The following RAB7A variants were observed in gnomAD, a reference collection of about 807,000 sequenced individuals.
RAB7A encodes the protein RAB7A, member RAS oncogene family.
Under a neutral mutation model 24.5 loss-of-function variants are expected in RAB7A, and 2 were observed. The observed-to-expected ratio is 0.08, with a 90% CI of 0.03 to 0.26. The LOEUF is 0.26. Ranked by LOEUF, RAB7A falls within the 10% of genes least tolerant of loss-of-function variation. RAB7A has a pLI of 1.00. For missense variants in RAB7A, 118 were observed against 255.7 expected (o/e 0.46, Z 3.67); for synonymous variants, 100 against 95.9 (o/e 1.04, Z -0.25).
rs752283088 is a variant in RAB7A, at chr3:128,795,337, G to A, written c.-8-23G>A. 4 of 1,597,030 alleles carry A rather than the reference G, an allele frequency of 2.5e-6. No individual in the cohort carries two copies. In the East Asian group the frequency reaches 8.9e-5, roughly 36 times the overall value. ...TTGGTGTTTCCATCACACTCACAGT[G>A]ATTTCTCCTTTTCCCCCTTTAGTTT... On this transcript the variant is annotated intron_variant, in intron 1 of 5. Coordinates refer to ENST00000265062, the MANE Select transcript of RAB7A (RefSeq NM_004637.6).
chr3:128,749,652 C>T (rs552733406), intron 1 of RAB7A, among the ~76,000 whole-genome samples: 1 of 152,118 alleles, frequency 6.6e-6, no homozygotes, highest in African/African-American at 2.4e-5. Context: ...CTGTGCTGTT[C>T]TCATGATAGT....
chr3:128,763,890 A>C (rs894401113), intron 1 of RAB7A, among the ~76,000 whole-genome samples: 1 of 107,474 alleles, frequency 9.3e-6, no homozygotes, highest in Non-Finnish European at 1.8e-5. Context: ...CTGCTTTTCA[A>C]CTAATATAGT....
chr3:128,758,517 C>T (rs1158528845), intron 1 of RAB7A, among the ~76,000 whole-genome samples: 2 of 151,752 alleles, frequency 1.3e-5, no homozygotes, highest in African/African-American at 2.4e-5. Context: ...CCTCGTGATC[C>T]GCCCGCCTCG....
intron 2 of RAB7A, among the ~76,000 whole-genome samples, 175 bp downstream of exon 2, chr3:128,795,595 C>CTAGTTTT (rs1933549509): frequency 6.6e-6 from 1 of 151,898 alleles, no homozygotes; most frequent in Admixed American, 6.6e-5. Context: ...CTTTTGTTCT[C>CTAGTTTT]TAGTTTTTAG....
intron 1 of RAB7A, among the ~76,000 whole-genome samples, chr3:128,767,387 GAATT>G: frequency 6.6e-6 from 1 of 152,320 alleles, no homozygotes; most frequent in East Asian, 1.9e-4. Context: ...AGTGCCTGAG[GAATT>G]AGCCCAAGGA....
chr3:128,797,274 G>A (rs573340189), intron 2 of RAB7A, among the ~76,000 whole-genome samples: 1 of 152,282 alleles, frequency 6.6e-6, no homozygotes, highest in East Asian at 1.9e-4. Context: ...GCCAAGAAAG[G>A]TGATATCACT....
intron 1 of RAB7A, among the ~76,000 whole-genome samples, chr3:128,771,904 C>T (rs1050987020): frequency 2.0e-5 from 3 of 152,196 alleles, no homozygotes; most frequent in Non-Finnish European, 4.4e-5. Context: ...ACTCTTGTCA[C>T]TCCTTAAATT....
At chr3:128,806,972 A>T (rs1409334127) in intron 4 of RAB7A, among the ~76,000 whole-genome samples, 3 of 152,252 alleles carry the variant, frequency 2.0e-5, no homozygotes, top group African/African-American at 7.2e-5. Flanking sequence ...GCTGTACTGT[A>T]GTTTCAAATA....
rs547254682 is a variant in RAB7A at position 128,729,594 on chromosome 3, C to T, written c.-9+3235C>T. On this transcript the variant is annotated intron_variant, in intron 1 of 5. Coordinates refer to ENST00000265062, the MANE Select transcript of RAB7A (RefSeq NM_004637.6). ...CAAAAAAAAAAAAAAAAAAAGTCTT[C>T]AAAGGGATCTTCACTAATAACGTTT... Among the ~76,000 whole-genome samples, 16 of 148,666 alleles carry T rather than the reference C, an allele frequency of 1.1e-4. No individual in the cohort carries two copies. The East Asian group carries it at 3.1e-3, about 29-fold the overall frequency.
chr3:128,746,272 A>C (rs2070614266), intron 1 of RAB7A, among the ~76,000 whole-genome samples: 1 of 151,650 alleles, frequency 6.6e-6, no homozygotes, highest in African/African-American at 2.4e-5. Flanking sequence ...TTAGCTTTTA[A>C]ATTTTTCTTT....
chr3:128,740,313 AGAGATGGCCGTGAGCC>A, intron 1 of RAB7A, among the ~76,000 whole-genome samples: 2 of 152,172 alleles, frequency 1.3e-5, no homozygotes, highest in Non-Finnish European at 2.9e-5. Context: ...CCTGGGAGGC[AGAGATGGCCGTGAGCC>A]GAGATGGCGC....
In RAB7A at chr3:128,814,358, T is replaced by C. The variant is rs1045997462; in HGVS notation, c.*936T>C. Reference sequence around the variant, plus strand: ...CGTTGATTTGCATAATACAGTGGTATGTGCAATGGATAAATTGCCGTTATT... The same window carrying C: ...CGTTGATTTGCATAATACAGTGGTACGTGCAATGGATAAATTGCCGTTATT... On this transcript the variant is annotated 3_prime_UTR_variant, in exon 6 of 6. Coordinates refer to ENST00000265062, the MANE Select transcript of RAB7A (RefSeq NM_004637.6). 2.0e-5 allele frequency: 3 copies of C among 152,734 alleles called. No homozygotes were observed. Among genetic ancestry groups the C allele is most frequent in the Admixed American group, 6.5e-5 (1 of 15,292 alleles). 9.5% of individuals were successfully genotyped at this position (152,734 alleles called of 1,614,324 possible).
chr3:128,772,801 G>A (rs1447918529), intron 1 of RAB7A, among the ~76,000 whole-genome samples: 2 of 152,212 alleles, frequency 1.3e-5, no homozygotes, highest in East Asian at 1.9e-4. Context: ...TGTGTTGGCC[G>A]GGCTGGTCTC....
In RAB7A at chr3:128,813,722, G is replaced by A. The variant is rs892142871; in HGVS notation, c.*300G>A. The stretch of plus-strand genomic sequence containing the variant: ...AGTATGGCAGCAGGACAAGCCAGCG[G>A]TGGAAGTCATTCTGATATGGAGTTG... On this transcript the variant is annotated 3_prime_UTR_variant, in exon 6 of 6. Coordinates refer to ENST00000265062, the MANE Select transcript of RAB7A (RefSeq NM_004637.6). 1.8e-5 allele frequency: 8 copies of A among 451,464 alleles called. No individual in the cohort carries two copies. Among genetic ancestry groups the A allele is most frequent in the African/African-American group, 1.4e-4 (7 of 50,052 alleles). 28.0% of individuals were successfully genotyped at this position (451,464 alleles called of 1,614,324 possible).
intron 3 of RAB7A, among the ~76,000 whole-genome samples, chr3:128,802,438 C>T (rs1933719397): frequency 6.6e-6 from 1 of 152,154 alleles, no homozygotes; most frequent in African/African-American, 2.4e-5. Flanking sequence ...CAGGGTGCAC[C>T]TCTCTGGTAA....
At chr3:128,798,169 T>G (rs933620948) in intron 3 of RAB7A, 100 bp downstream of exon 3, 33 of 1,456,564 alleles carry the variant, frequency 2.3e-5, no homozygotes, top group Non-Finnish European at 3.1e-5. Flanking sequence ...TCTTCAAATC[T>G]TATTATCTTA....
chr3:128,807,425 G>A, intron 4 of RAB7A, 118 bp from the exon 5 acceptor site: 1 of 1,470,976 alleles, frequency 6.8e-7, no homozygotes, highest in Non-Finnish European at 9.4e-7. Flanking sequence ...CTTTCCCCAT[G>A]TCTGTGTCCT....
intron 1 of RAB7A, among the ~76,000 whole-genome samples, chr3:128,771,465 A>G (rs1251352172): frequency 6.6e-6 from 1 of 152,252 alleles, no homozygotes; most frequent in Non-Finnish European, 1.5e-5. Flanking sequence ...CATTGGTTCC[A>G]GGAATTCAAG....
At chr3:128,753,583 TTTCCCACAG>T (rs1305251750) in intron 1 of RAB7A, among the ~76,000 whole-genome samples, 1 of 152,206 alleles carries the variant, frequency 6.6e-6, no homozygotes, top group Non-Finnish European at 1.5e-5. Flanking sequence ...CAGAAATTTG[TTTCCCACAG>T]TTCTGAAGGT....
Sources: gnomAD v4.1 joint callset for allele counts (sites outside exome capture counted in the v4.1 genomes callset) on GRCh38, gnomAD v4.1.1 for gene constraint, MANE v1.5 for transcripts, NCBI Gene and HGNC (gene_info 2026-07-23, HGNC 2026-07-21) for gene names.